Variants in GRIK2 observed in about 807,000 individuals in gnomAD.
The protein encoded by GRIK2 is glutamate ionotropic receptor kainate type subunit 2.
In GRIK2, 32 loss-of-function variants were observed where a neutral mutation model predicts 100.3. The ratio of observed to expected loss-of-function variants is 0.32; its 90% CI spans 0.24 to 0.43. The LOEUF is 0.43. GRIK2 is among the 20% of genes least tolerant of loss of function. The probability of loss-of-function intolerance (pLI) is 1.00; values close to 1 mark genes in which losing one functional copy is unlikely to be tolerated. For synonymous variants in GRIK2, 417 were observed against 389.4 expected (o/e 1.07, Z -0.83); for missense variants, 843 against 1,114.9 (o/e 0.76, Z 3.47).
At chr6:101,751,004 G>A (rs1776752683) in intron 7 of GRIK2, among the ~76,000 whole-genome samples, 1 of 152,090 alleles carries the variant, frequency 6.6e-6, no homozygotes, top group South Asian at 2.1e-4. Flanking sequence ...ACTATATTTT[G>A]AAGCAAAACA....
intron 2 of GRIK2, among the ~76,000 whole-genome samples, chr6:101,475,025 G>A (rs1772155587): frequency 6.6e-6 from 1 of 151,694 alleles, no homozygotes; most frequent in African/African-American, 2.4e-5. Flanking sequence ...GATCATTTGT[G>A]CTTCTGAGAT....
At chr6:101,486,346 G>A (rs1341498374) in intron 2 of GRIK2, among the ~76,000 whole-genome samples, 1 of 131,910 alleles carries the variant, frequency 7.6e-6, no homozygotes, top group Admixed American at 8.3e-5. Context: ...CATGTCTGTA[G>A]CCGAACTTGA....
At chr6:101,945,591 C>T (rs2128477166) in intron 14 of GRIK2, among the ~76,000 whole-genome samples, 1 of 152,252 alleles carries the variant, frequency 6.6e-6, no homozygotes, top group South Asian at 2.1e-4. Context: ...GTAAGCTCAA[C>T]ACCTTAATTT....
chr6:101,796,641 A>G (rs1032577069), intron 7 of GRIK2, among the ~76,000 whole-genome samples: 6 of 152,184 alleles, frequency 3.9e-5, no homozygotes, highest in Admixed American at 6.5e-5. Context: ...AAGTAAAGAT[A>G]TTTTAAACTG....
In GRIK2 at chr6:101,552,398, T is replaced by C. The variant is rs137927055; in HGVS notation, c.116-69551T>C. Among the ~76,000 whole-genome samples the C allele has an allele frequency of 3.1e-3, 466 of 152,250 alleles. 2 individuals are homozygous for C. Among genetic ancestry groups the C allele is most frequent in the African/African-American group, 0.011 (443 of 41,548 alleles). ...CCTTGCTTTTTTCCAGCTGGTAGTA[T>C]CTTATGGGACTCTTGTGGCATATTT... On this transcript the variant is annotated intron_variant, in intron 2 of 16. Coordinates refer to ENST00000369134, the MANE Select transcript of GRIK2 (RefSeq NM_021956.5).
Position 101,463,690 on chromosome 6 carries a change from T to C in GRIK2, c.115+64298T>C, listed in dbSNP as rs186721731. On this transcript the variant is annotated intron_variant, in intron 2 of 16. Coordinates refer to ENST00000369134, the MANE Select transcript of GRIK2 (RefSeq NM_021956.5). Reference sequence around the variant, plus strand: ...AGACACCTCCAAGACGTTGCCTCTATCCAAGGATGACTCCAGGGCTCTAAT... The same window carrying C: ...AGACACCTCCAAGACGTTGCCTCTACCCAAGGATGACTCCAGGGCTCTAAT... Among the ~76,000 whole-genome samples the C allele has an allele frequency of 1.1e-3, 165 of 152,274 alleles. 4 individuals are homozygous for C. The highest frequency in any genetic ancestry group is 0.011 in the Admixed American group (165 of 15,296).
chr6:101,432,986 A>T (rs1205223964), intron 2 of GRIK2, among the ~76,000 whole-genome samples: 1 of 152,144 alleles, frequency 6.6e-6, no homozygotes, highest in East Asian at 1.9e-4. Context: ...TGAAACTGAC[A>T]TAAGGTGGTC....
At chr6:101,878,070 GTATATTATATTATAT>G (rs67537651) in intron 11 of GRIK2, among the ~76,000 whole-genome samples, 11,154 of 135,488 alleles carry the variant, frequency 0.082, 527 homozygotes, top group East Asian at 0.14. Flanking sequence ...ATCGTGCCAG[GTATATTATATTATAT>G]TATATTATAT....
intron 7 of GRIK2, among the ~76,000 whole-genome samples, chr6:101,723,112 A>G (rs2128366461): frequency 6.6e-6 from 1 of 152,192 alleles, no homozygotes; most frequent in African/African-American, 2.4e-5. Context: ...AAGAATTCAA[A>G]GCATATGCAC....
intron 2 of GRIK2, among the ~76,000 whole-genome samples, chr6:101,432,742 C>T (rs989257474): frequency 6.6e-6 from 1 of 152,050 alleles, no homozygotes; most frequent in Non-Finnish European, 1.5e-5. Flanking sequence ...GTTTCTGTCA[C>T]ACAAGAATAG....
intron 14 of GRIK2, among the ~76,000 whole-genome samples, chr6:101,984,699 A>T (rs1042545534): frequency 1.3e-5 from 2 of 151,192 alleles, no homozygotes; most frequent in African/African-American, 4.8e-5. Context: ...GAAGTCAGTA[A>T]AAGGCTGCTC....
chr6:101,630,457 G>C (rs1282240295), intron 4 of GRIK2, among the ~76,000 whole-genome samples: 1 of 152,082 alleles, frequency 6.6e-6, no homozygotes, highest in African/African-American at 2.4e-5. Flanking sequence ...TTTCTCTGAT[G>C]ATTAGTGATG....
At chr6:101,967,657 G>A (rs1792774443) in intron 14 of GRIK2, among the ~76,000 whole-genome samples, 1 of 152,020 alleles carries the variant, frequency 6.6e-6, no homozygotes, top group Non-Finnish European at 1.5e-5. Context: ...CCGGATATCA[G>A]GTGTTTTCCT....
chr6:101,535,957 C>A (rs768148275), intron 2 of GRIK2, among the ~76,000 whole-genome samples: 1 of 151,562 alleles, frequency 6.6e-6, no homozygotes, highest in East Asian at 1.9e-4. Context: ...CAGGTTCTAA[C>A]GTTTTTTAAA....
intron 11 of GRIK2, among the ~76,000 whole-genome samples, chr6:101,860,041 A>G (rs1332165514): frequency 2.0e-5 from 3 of 152,240 alleles, no homozygotes; most frequent in African/African-American, 7.2e-5. Context: ...TAGAAATAAC[A>G]TGTTTGTCAC....
chr6:101,873,445 A>G (rs1341378139), intron 11 of GRIK2, among the ~76,000 whole-genome samples: 1 of 151,856 alleles, frequency 6.6e-6, no homozygotes, highest in Non-Finnish European at 1.5e-5. Flanking sequence ...TTATGGCTGC[A>G]TAGTATTCCA....
intron 4 of GRIK2, among the ~76,000 whole-genome samples, chr6:101,631,413 T>G (rs2128320434): frequency 6.6e-6 from 1 of 152,222 alleles, no homozygotes; most frequent in Middle Eastern, 3.4e-3. Context: ...GTTTTGCTAC[T>G]AAATTACTGG....
chr6:101,436,130 A>G (rs186112409), intron 2 of GRIK2, among the ~76,000 whole-genome samples: 1 of 152,284 alleles, frequency 6.6e-6, no homozygotes, highest in African/African-American at 2.4e-5. Context: ...ATCTATTCAG[A>G]GTACAGTTTT....
chr6:101,782,471 G>A (rs892515545), intron 7 of GRIK2, among the ~76,000 whole-genome samples: 34 of 152,076 alleles, frequency 2.2e-4, no homozygotes, highest in African/African-American at 7.7e-4. Flanking sequence ...TACTTTCTGC[G>A]CCTCACTTAT....
Sources: gnomAD v4.1 joint callset for allele counts (sites outside exome capture counted in the v4.1 genomes callset) on GRCh38, gnomAD v4.1.1 for gene constraint, MANE v1.5 for transcripts, NCBI Gene and HGNC (gene_info 2026-07-23, HGNC 2026-07-21) for gene names.